Variants in SYNPO2 observed in about 807,000 individuals in gnomAD.
The protein encoded by SYNPO2 is synaptopodin-2.
SYNPO2 carries 56 observed loss-of-function variants against 85.0 expected under a neutral mutation model. The ratio of observed to expected loss-of-function variants is 0.66; its 90% CI spans 0.53 to 0.82. The LOEUF is 0.82. SYNPO2 is among the 40% of genes least tolerant of loss of function. SYNPO2 has a pLI of 0.00. For synonymous variants in SYNPO2, 602 were observed against 591.1 expected (o/e 1.02, Z -0.27); for missense variants, 1,575 against 1,534.2 (o/e 1.03, Z -0.44).
chr4:118,939,276 AT>A (rs1312561432), intron 1 of SYNPO2, among the ~76,000 whole-genome samples: 4 of 152,110 alleles, frequency 2.6e-5, no homozygotes, highest in Non-Finnish European at 4.4e-5. Flanking sequence ...ATTTAGGAAT[AT>A]TTTTTGAGTG....
Position 118,893,712 on chromosome 4 carries a change from G to A in SYNPO2, c.105+4571G>A, listed in dbSNP as rs186370312. Among the ~76,000 whole-genome samples, 1,495 of 152,218 alleles carry A rather than the reference G, an allele frequency of 9.8e-3. 28 individuals carry two copies. The highest frequency in any genetic ancestry group is 0.01 in the Non-Finnish European group (689 of 68,026). ...CATCAGGATTTATAAACATTCCAAA[G>A]GGAATTCTGATGTGTGGTCAAGATT... On this transcript the variant is annotated intron_variant, in intron 1 of 4. Coordinates refer to ENST00000307142, the MANE Select transcript of SYNPO2 (RefSeq NM_133477.3).
intron 1 of SYNPO2, among the ~76,000 whole-genome samples, chr4:118,969,437 T>TA (rs1164498645): frequency 6.6e-6 from 1 of 152,230 alleles, no homozygotes; most frequent in Non-Finnish European, 1.5e-5. Flanking sequence ...CCGATGGTAA[T>TA]ACTGGGTTTA....
intron 4 of SYNPO2, among the ~76,000 whole-genome samples, chr4:119,044,833 T>A (rs1190021405): frequency 6.6e-6 from 1 of 152,230 alleles, no homozygotes; most frequent in Non-Finnish European, 1.5e-5. Flanking sequence ...AAAGGCCAAC[T>A]CAGTCATTTT....
At position 119,027,006 on chromosome 4, in the gene SYNPO2, G is replaced by A. The variant is rs1163352160; in HGVS notation, c.637G>A (p.Gly213Ser). ...ACAGGAGAGACATAAGGGCGCTAGT[G>A]GCCCTTTAGTGGCTCTCCCGGGAGC... ...LSQERHKGAS[G>S]PLVALPGAEK... The change falls in exon 3 of 5, where the codon GGC becomes AGC. Residue 213 changes from glycine (G) to serine (S), a missense_variant. Physicochemically the swap from Gly to Ser is moderately conservative, Grantham distance 56 (BLOSUM62 0). Transcript: ENST00000307142. The A allele has an allele frequency of 6.2e-7, 1 of 1,614,126 alleles. No individual in the cohort carries two copies. Among genetic ancestry groups the A allele is most frequent in the Non-Finnish European group, 8.5e-7 (1 of 1,180,024 alleles).
rs1025663265 is a variant in SYNPO2 at position 119,058,948 on chromosome 4, T to C, written c.*1014T>C. The C allele has an allele frequency of 6.6e-6, 1 of 152,200 alleles. No homozygotes were observed. Among genetic ancestry groups the C allele is most frequent in the Non-Finnish European group, 1.5e-5 (1 of 68,038 alleles). The allele number at this position is 152,200 out of a possible 1,614,324, so 9.4% of individuals were successfully genotyped here. A position where few individuals can be genotyped will look rare whatever the true frequency, so the allele number is the denominator to read the frequency against. ...GAATAGAAAGATTTAGATATATGCC[T>C]GTGACAGGAATAGATTCTGGGTTCA... On this transcript the variant is annotated 3_prime_UTR_variant, in exon 5 of 5. Transcript: ENST00000307142.
At chr4:119,009,231 T>C (rs1737196278) in intron 1 of SYNPO2, among the ~76,000 whole-genome samples, 1 of 152,158 alleles carries the variant, frequency 6.6e-6, no homozygotes, top group Non-Finnish European at 1.5e-5. Flanking sequence ...AGGGATAAAA[T>C]TGGGCTATAG....
At chr4:118,957,418 C>G (rs2149145599) in intron 1 of SYNPO2, among the ~76,000 whole-genome samples, 1 of 152,300 alleles carries the variant, frequency 6.6e-6, no homozygotes, top group African/African-American at 2.4e-5. Flanking sequence ...GCTTTGGAAT[C>G]AGATCTGGAT....
At chr4:118,982,332 G>A (rs1736058066) in intron 1 of SYNPO2, among the ~76,000 whole-genome samples, 1 of 152,088 alleles carries the variant, frequency 6.6e-6, no homozygotes. Flanking sequence ...TGAAGACTGG[G>A]GACAAAATCA....
chr4:118,941,731 C>T lies in SYNPO2; in HGVS notation c.105+52590C>T, dbSNP rs183024035. 9.0e-4 allele frequency among the ~76,000 whole-genome samples: 137 copies of T among 152,286 alleles called. 1 individual carries two copies. The highest frequency in any genetic ancestry group is 1.2e-3 in the Non-Finnish European group (81 of 68,022). On this transcript the variant is annotated intron_variant, in intron 1 of 4. Transcript: ENST00000307142. ...ATGATAACATGGAGAGGCAGAGGCTCATGCCACTAAGCTTTTTATGACTTA... is the reference window on the plus strand; with the variant it reads ...ATGATAACATGGAGAGGCAGAGGCTTATGCCACTAAGCTTTTTATGACTTA...
At chr4:118,926,053 A>G (rs552114987) in intron 1 of SYNPO2, among the ~76,000 whole-genome samples, 2 of 152,288 alleles carry the variant, frequency 1.3e-5, no homozygotes, top group East Asian at 3.9e-4. Flanking sequence ...GCAGATGAGT[A>G]GGAGAAATAT....
chr4:118,963,804 C>T (rs1383034316), intron 1 of SYNPO2, among the ~76,000 whole-genome samples: 5 of 152,178 alleles, frequency 3.3e-5, no homozygotes, highest in Non-Finnish European at 7.3e-5. Context: ...TCTGACCAAA[C>T]AACTTGCATT....
intron 1 of SYNPO2, among the ~76,000 whole-genome samples, chr4:118,879,530 C>T (rs537862410): frequency 6.6e-6 from 1 of 152,312 alleles, no homozygotes; most frequent in Non-Finnish European, 1.5e-5. Flanking sequence ...AGACAGTCAT[C>T]TACAAACCAG....
At chr4:118,943,140 A>C (rs918462004) in intron 1 of SYNPO2, among the ~76,000 whole-genome samples, 9 of 151,852 alleles carry the variant, frequency 5.9e-5, no homozygotes, top group African/African-American at 2.2e-4. Context: ...GTTGAGGTTG[A>C]AAAAAAACTT....
At chr4:119,001,265 T>C (rs1736814520) in intron 1 of SYNPO2, among the ~76,000 whole-genome samples, 1 of 152,198 alleles carries the variant, frequency 6.6e-6, no homozygotes, top group East Asian at 1.9e-4. Context: ...GAAAAATTGC[T>C]TCTCCACCTC....
intron 1 of SYNPO2, among the ~76,000 whole-genome samples, chr4:118,875,933 C>G (rs935437909): frequency 9.8e-5 from 15 of 152,346 alleles, no homozygotes; most frequent in East Asian, 5.8e-4. Flanking sequence ...TTCCACTAAA[C>G]CCAAACTGAA....
intron 1 of SYNPO2, among the ~76,000 whole-genome samples, chr4:118,954,727 C>T (rs1438024965): frequency 2.0e-5 from 3 of 152,274 alleles, no homozygotes; most frequent in African/African-American, 7.2e-5. Flanking sequence ...CTTTCTCTCT[C>T]TCTTTCTGTC....
At chr4:118,858,897 A>G (rs1379735273) in intron 1 of SYNPO2, among the ~76,000 whole-genome samples, 1 of 152,194 alleles carries the variant, frequency 6.6e-6, no homozygotes, top group Non-Finnish European at 1.5e-5. Context: ...CAACCTTTCA[A>G]ACTTCTCCAA....
At chr4:118,954,918 G>A (rs996306549) in intron 1 of SYNPO2, among the ~76,000 whole-genome samples, 3 of 151,302 alleles carry the variant, frequency 2.0e-5, no homozygotes, top group Non-Finnish European at 4.4e-5. Context: ...TTTAGGCATA[G>A]TAAAATACAT....
chr4:119,040,488 T>C (rs552866605), intron 4 of SYNPO2, among the ~76,000 whole-genome samples: 17 of 152,326 alleles, frequency 1.1e-4, no homozygotes, highest in African/African-American at 3.8e-4. Context: ...CAGCATTCTT[T>C]TCGTGGTATA....
Sources: gnomAD v4.1 joint callset for allele counts (sites outside exome capture counted in the v4.1 genomes callset) on GRCh38, gnomAD v4.1.1 for gene constraint, MANE v1.5 for transcripts, NCBI Gene and HGNC (gene_info 2026-07-23, HGNC 2026-07-21) for gene names.